Variants in PRUNE1 observed in about 807,000 individuals in gnomAD.
The protein encoded by PRUNE1 is prune exopolyphosphatase 1, also known as exopolyphosphatase PRUNE1.
In PRUNE1, 25 loss-of-function variants were observed where a neutral mutation model predicts 42.5. The observed-to-expected ratio is 0.59, with a 90% confidence interval of 0.43 to 0.82. The LOEUF is 0.82. Among genes scored for constraint, PRUNE1 ranks in the 40% least tolerant of loss-of-function variants. PRUNE1 has a pLI of 0.00. For missense variants in PRUNE1, 443 were observed against 539.3 expected (o/e 0.82, Z 1.77); for synonymous variants, 203 against 217.1 (o/e 0.93, Z 0.57).
chr1:151,029,476 T>C (rs932717990), intron 7 of PRUNE1, among the ~76,000 whole-genome samples: 1 of 149,606 alleles, frequency 6.7e-6, no homozygotes, highest in African/African-American at 2.5e-5. Flanking sequence ...AACGCCATTG[T>C]CCTGCCTCAG....
Position 151,026,677 on chromosome 1 carries a change from A to G in PRUNE1, c.680-556A>G, listed in dbSNP as rs75988155. On this transcript the variant is annotated intron_variant, in intron 5 of 7. Coordinates refer to ENST00000271620, the MANE Select transcript of PRUNE1 (RefSeq NM_021222.3). ...ACCACCTGTTGACATAAAAAGGAAGAAAGAAAGAAAGAACTCACATGTAAA... is the reference window on the plus strand; with the variant it reads ...ACCACCTGTTGACATAAAAAGGAAGGAAGAAAGAAAGAACTCACATGTAAA... Among the ~76,000 whole-genome samples, 533 of 152,130 alleles carry G rather than the reference A, an allele frequency of 3.5e-3. 5 individuals carry two copies. The highest frequency in any genetic ancestry group is 8.1e-3 in the South Asian group (39 of 4,814).
chr1:151,027,555 C>A (rs1433038854), intron 6 of PRUNE1, among the ~76,000 whole-genome samples: 1 of 151,694 alleles, frequency 6.6e-6, no homozygotes, highest in Non-Finnish European at 1.5e-5. Flanking sequence ...AAACCATTCT[C>A]CCCGCAGCAG....
intron 1 of PRUNE1, among the ~76,000 whole-genome samples, chr1:151,011,760 C>T (rs1673782195): frequency 6.6e-6 from 1 of 150,524 alleles, no homozygotes; most frequent in African/African-American, 2.4e-5. Context: ...GGTGTTTATT[C>T]ATTTATTTAT....
intron 2 of PRUNE1, 175 bp from the exon 3 acceptor site, chr1:151,018,292 T>C (rs1264835111): frequency 2.6e-6 from 2 of 760,978 alleles, no homozygotes; most frequent in African/African-American, 1.7e-5. Context: ...TTTCATGTTA[T>C]TACTAAGAAG....
intron 1 of PRUNE1, among the ~76,000 whole-genome samples, chr1:151,015,859 C>A (rs1436384725): frequency 6.6e-6 from 1 of 151,886 alleles, no homozygotes; most frequent in East Asian, 1.9e-4. Context: ...ACCAGTCATG[C>A]TGAAATTGAG....
chr1:151,033,546 A>G (rs1160911443), intron 7 of PRUNE1, among the ~76,000 whole-genome samples: 1 of 151,242 alleles, frequency 6.6e-6, no homozygotes, highest in South Asian at 2.1e-4. Flanking sequence ...ACCCGCCACC[A>G]TGCCCGGCTA....
intron 5 of PRUNE1, among the ~76,000 whole-genome samples, chr1:151,026,938 C>T (rs6661135): frequency 0.041 from 6,132 of 151,110 alleles, 177 homozygotes; most frequent in Non-Finnish European, 0.063. Context: ...GTGCCCGCCA[C>T]CACACCCAGC....
At chr1:151,019,524 C>T (rs587737760) in intron 3 of PRUNE1, among the ~76,000 whole-genome samples, 85 of 146,842 alleles carry the variant, frequency 5.8e-4, no homozygotes, top group African/African-American at 1.9e-3. Context: ...CCACTCCACT[C>T]CAAGCCTGGG....
Position 151,035,384 on chromosome 1 carries a change from ACCCAGCAGAGCACT to A in PRUNE1, c.*1154_*1167del, listed in dbSNP as rs770034359. 13 of 152,182 alleles carry A rather than the reference ACCCAGCAGAGCACT, an allele frequency of 8.5e-5. No individual in the cohort carries two copies. Among genetic ancestry groups the A allele is most frequent in the African/African-American group, 2.4e-5 (1 of 41,426 alleles). The allele number at this position is 152,182 out of a possible 1,614,324, so 9.4% of individuals were successfully genotyped here. The stretch of plus-strand genomic sequence containing the variant: ...TAGGGGTGTGGTTCATGGCGTGTTG[ACCCAGCAGAGCACT>A]CCCTCCCACTAACTTGTTCTGCATG... On this transcript the variant is annotated 3_prime_UTR_variant, in exon 8 of 8. Coordinates refer to ENST00000271620, the MANE Select transcript of PRUNE1 (RefSeq NM_021222.3).
chr1:151,021,464 A>T (rs80326663), intron 3 of PRUNE1, among the ~76,000 whole-genome samples: 2,243 of 152,184 alleles, frequency 0.015, 54 homozygotes, highest in African/African-American at 0.049. Flanking sequence ...TCAAAAAAAA[A>T]TTTTTTTTAA....
intron 3 of PRUNE1, among the ~76,000 whole-genome samples, chr1:151,022,594 T>G (rs1232195452): frequency 1.3e-5 from 2 of 151,318 alleles, no homozygotes; most frequent in Non-Finnish European, 2.9e-5. Context: ...CTAATTTTTG[T>G]ATTTTTAGTA....
intron 2 of PRUNE1, chr1:151,018,249 A>G: frequency 4.1e-6 from 3 of 728,320 alleles, no homozygotes; most frequent in Non-Finnish European, 2.5e-6. Flanking sequence ...TTGCATCTAG[A>G]AATAGGTATT....
chr1:151,034,274 C>G lies in PRUNE1; in HGVS notation c.*40C>G, dbSNP rs777393819. 5.7e-6 allele frequency: 9 copies of G among 1,566,592 alleles called. No homozygotes were observed. In the East Asian group the frequency reaches 1.8e-4, roughly 31 times the overall value. On this transcript the variant is annotated 3_prime_UTR_variant, in exon 8 of 8. Coordinates refer to ENST00000271620, the MANE Select transcript of PRUNE1 (RefSeq NM_021222.3). ...GGAGGTAGTGGGTGAGGCTACCTGA[C>G]TCACTTCAAATGCATGTTTTGAGAT...
chr1:151,015,289 C>T (rs1485364620), intron 1 of PRUNE1, among the ~76,000 whole-genome samples: 7 of 148,324 alleles, frequency 4.7e-5, no homozygotes, highest in South Asian at 2.1e-4. Context: ...GCCCAGATTG[C>T]ACCACTGCAC....
intron 1 of PRUNE1, among the ~76,000 whole-genome samples, chr1:151,012,319 G>A (rs1304411377): frequency 6.6e-6 from 1 of 152,170 alleles, no homozygotes; most frequent in African/African-American, 2.4e-5. Context: ...ATAAAGAAGA[G>A]AATGATGTCT....
intron 1 of PRUNE1, among the ~76,000 whole-genome samples, chr1:151,012,814 C>T (rs1363793315): frequency 6.6e-6 from 1 of 152,118 alleles, no homozygotes; most frequent in Admixed American, 6.5e-5. Context: ...CACTGTCACC[C>T]AGGCTGGAGT....
chr1:151,017,909 G>GT lies in PRUNE1; in HGVS notation c.132+6dup, dbSNP rs1287139990. The stretch of plus-strand genomic sequence containing the variant: ...CTGGCTTTTTACCTAGCAAAGGTGG[G>GT]TAAAAAAACGTAGTACCTAGGATCT... On this transcript the variant is annotated splice_donor_region_variant and intron_variant, in intron 2 of 7. Coordinates refer to ENST00000271620, the MANE Select transcript of PRUNE1 (RefSeq NM_021222.3). The GT allele has an allele frequency of 1.3e-6, 2 of 1,543,556 alleles. No homozygotes were observed. The highest frequency in any genetic ancestry group is 1.8e-6 in the Non-Finnish European group (2 of 1,116,812).
chr1:151,024,700 T>C lies in PRUNE1; in HGVS notation c.425T>C (p.Val142Ala). The change falls in exon 4 of 8, where the codon GTT (valine) becomes GCT (alanine). Residue 142 changes from valine (V) to alanine (A), a missense_variant. Transcript: ENST00000271620. ...CACTGCCCTCCCTGCCATGTTTCAG[T>C]TGAGCTGGTGGGGTCCTGTGCTACC... is the stretch of plus-strand genomic sequence containing the variant. Reference protein sequence around the residue: ...PKHCPPCHVSVELVGSCATLV... With the variant: ...PKHCPPCHVSAELVGSCATLV... 1.2e-6 allele frequency: 2 copies of C among 1,614,112 alleles called. No individual in the cohort carries two copies. Among genetic ancestry groups the C allele is most frequent in the Non-Finnish European group, 1.7e-6 (2 of 1,179,996 alleles).
chr1:151,023,534 A>G (rs1674613290), intron 3 of PRUNE1, among the ~76,000 whole-genome samples: 1 of 151,668 alleles, frequency 6.6e-6, no homozygotes, highest in African/African-American at 2.4e-5. Flanking sequence ...CCTGGCCAAT[A>G]TGGTGAAACC....
Sources: gnomAD v4.1 joint callset for allele counts (sites outside exome capture counted in the v4.1 genomes callset) on GRCh38, gnomAD v4.1.1 for gene constraint, MANE v1.5 for transcripts, NCBI Gene and HGNC (gene_info 2026-07-23, HGNC 2026-07-21) for gene names.